The following HMCN2 variants were observed in gnomAD, a reference collection of about 807,000 sequenced individuals.
The protein encoded by HMCN2 is hemicentin 2.
Under a neutral mutation model 377.5 loss-of-function variants are expected in HMCN2, and 325 were observed. That is an observed-to-expected ratio of 0.86 (90% CI 0.79 to 0.94). The LOEUF (loss-of-function observed/expected upper bound fraction) is 0.94. Among genes scored for constraint, HMCN2 ranks in the 40% least tolerant of loss-of-function variants. HMCN2 has a pLI of 0.00. For missense variants in HMCN2, 4,543 were observed against 4,725.3 expected (o/e 0.96, Z 1.13); for synonymous variants, 2,007 against 2,046.8 (o/e 0.98, Z 0.53).
Position 130,347,099 on chromosome 9 carries a change from A to G in HMCN2, c.3830-67A>G, listed in dbSNP as rs926561647. The G allele has an allele frequency of 0.27, 41,269 of 152,120 alleles. 6,195 individuals are homozygous for G. The highest frequency in any genetic ancestry group is 0.52 in the East Asian group (2,676 of 5,136). 9.4% of individuals were successfully genotyped at this position (152,120 alleles called of 1,614,324 possible). On this transcript the variant is annotated intron_variant, in intron 25 of 97. Coordinates refer to ENST00000683500, the MANE Select transcript of HMCN2 (RefSeq NM_001291815.2). The surrounding 1 kb of genome is among the most constrained non-coding windows in gnomAD (Gnocchi z 5.1). ...CTTTTGCACAGGAGAGACATGTGGG[A>G]GACAGTGCAGGTGTGGAGGGGAAGG...
rs551454225 is a variant in HMCN2 at position 130,361,016 on chromosome 9, C to T, written c.5950+412C>T. On this transcript the variant is annotated intron_variant, in intron 38 of 97. Transcript: ENST00000683500. This position sits in a 1 kb window ranked among gnomAD's most constrained non-coding sequence, Gnocchi z 4.8. ...TCCACCCTCCCATCCACCCACCCAT[C>T]TATCCATCCATCCATCTACTACCCA... Among the ~76,000 whole-genome samples the T allele has an allele frequency of 6.6e-6, 1 of 152,298 alleles. No individual in the cohort carries two copies. The highest frequency in any genetic ancestry group is 1.9e-4 in the East Asian group (1 of 5,174).
chr9:130,298,916 G>A (rs1588197398), intron 7 of HMCN2, 109 bp from the exon 8 acceptor site: 3 of 374,102 alleles, frequency 8.0e-6, no homozygotes, highest in East Asian at 7.4e-5. Flanking sequence ...CAGGTAGGAA[G>A]GGCCAGGCAA....
intron 26 of HMCN2, chr9:130,348,032 A>T (rs1047850465): frequency 5.6e-5 from 55 of 985,168 alleles, no homozygotes; most frequent in Non-Finnish European, 6.4e-5. Flanking sequence ...CCTCCTTAAC[A>T]CGGGCAGTGT....
intron 34 of HMCN2, 76 bp downstream of exon 34, chr9:130,356,333 G>C: frequency 8.3e-7 from 1 of 1,207,588 alleles, no homozygotes; most frequent in Non-Finnish European, 1.1e-6. Flanking sequence ...GGCTGTGGCA[G>C]GCCTGGAAGG....
chr9:130,400,725 G>C, intron 76 of HMCN2, 58 bp from the exon 77 acceptor site: 1 of 1,216,396 alleles, frequency 8.2e-7, no homozygotes, highest in Non-Finnish European at 1.1e-6. Flanking sequence ...CCCTGGCCCT[G>C]TGGCCGTGAG....
chr9:130,314,268 G>T (rs1400164355), intron 15 of HMCN2, among the ~76,000 whole-genome samples: 1 of 152,196 alleles, frequency 6.6e-6, no homozygotes, highest in Non-Finnish European at 1.5e-5. Context: ...TGTGGCGAGG[G>T]GGCCATGGCG....
intron 52 of HMCN2, among the ~76,000 whole-genome samples, 152 bp downstream of exon 52, chr9:130,376,810 T>G (rs954627384): frequency 6.6e-6 from 1 of 152,168 alleles, no homozygotes; most frequent in African/African-American, 2.4e-5. Context: ...ATTTTTATTT[T>G]TTTTGAGATG....
In HMCN2 at chr9:130,393,987, C is replaced by A. The variant is rs1174489304; in HGVS notation, c.10480C>A (p.His3494Asn). ...AVSEAGEARR[H>N]FQLTVMEPPH... is the part of the protein sequence containing the mutation. Reference sequence around the variant, plus strand: ...GAGCGAGGCGGGGGAAGCCAGGAGGCATTTCCAGCTGACCGTCATGGGTGG... The same window carrying A: ...GAGCGAGGCGGGGGAAGCCAGGAGGAATTTCCAGCTGACCGTCATGGGTGG... Residue 3494 changes from histidine to asparagine, a missense_variant, in exon 68 of 98, where the codon CAT becomes AAT. Physicochemically the swap from His to Asn is moderately conservative, Grantham distance 68 (BLOSUM62 1). Coordinates refer to ENST00000683500, the MANE Select transcript of HMCN2 (RefSeq NM_001291815.2). This position sits in a 1 kb window ranked among gnomAD's most constrained non-coding sequence, Gnocchi z 5.2. 2 of 1,271,012 alleles carry A rather than the reference C, an allele frequency of 1.6e-6. No individual in the cohort carries two copies. The highest frequency in any genetic ancestry group is 1.0e-6 in the Non-Finnish European group (1 of 980,444). The allele number at this position is 1,271,012 out of a possible 1,614,324, so 78.7% of individuals were successfully genotyped here. A position where few individuals can be genotyped will look rare whatever the true frequency, so the allele number is the denominator to read the frequency against.
chr9:130,410,737 A>G, intron 85 of HMCN2, 85 bp downstream of exon 85: 1 of 1,125,692 alleles, frequency 8.9e-7, no homozygotes, highest in Non-Finnish European at 1.3e-6. Flanking sequence ...GGCAGACGGC[A>G]GGGCTGGGAC....
chr9:130,307,118 A>G (rs985025759), intron 13 of HMCN2, among the ~76,000 whole-genome samples, 180 bp downstream of exon 13: 5 of 152,190 alleles, frequency 3.3e-5, no homozygotes, highest in African/African-American at 1.2e-4. Flanking sequence ...ACACAGGCCA[A>G]TGGGATGCTT....
In HMCN2 at chr9:130,406,140, C is replaced by T; in HGVS notation, c.12525C>T (p.Gly4175=). The part of the protein sequence containing the change: ...AARGSPTPRI[G]WTVNDRPVTE... ...GGGGCAGCCCCACCCCTCGCATTGG[C>T]TGGACTGTCAACGACCGGCCAGTCA... The change falls in exon 82 of 98, where the codon GGC becomes GGT. Residue 4175 remains glycine, a synonymous_variant. Coordinates refer to ENST00000683500, the MANE Select transcript of HMCN2 (RefSeq NM_001291815.2). 1.6e-6 allele frequency: 2 copies of T among 1,289,858 alleles called. No homozygotes were observed. Among genetic ancestry groups the T allele is most frequent in the South Asian group, 1.2e-5 (1 of 81,026 alleles). The allele number at this position is 1,289,858 out of a possible 1,614,324, so 79.9% of individuals were successfully genotyped here. A position where few individuals can be genotyped will look rare whatever the true frequency, so the allele number is the denominator to read the frequency against.
chr9:130,340,829 T>C (rs36176480), intron 23 of HMCN2, among the ~76,000 whole-genome samples: 24,903 of 152,202 alleles, frequency 0.16, 2,141 homozygotes, highest in Admixed American at 0.22. Context: ...CGAGTGGCGC[T>C]TCTTAAATGA....
chr9:130,366,060 C>G (rs1409823286), intron 43 of HMCN2, 65 bp downstream of exon 43: 1 of 979,318 alleles, frequency 1.0e-6, no homozygotes, highest in Non-Finnish European at 1.2e-6. Flanking sequence ...TGCCCAGTCC[C>G]CACTGGTTAC....
chr9:130,433,437 G>A lies in HMCN2; in HGVS notation c.14984G>A (p.Arg4995His), dbSNP rs763004922. The change falls in exon 98 of 98, where the codon CGC (arginine) becomes CAC (histidine). Residue 4995 changes from arginine (R) to histidine (H), a missense_variant. By Grantham distance (29) the Arg-to-His change is conservative (BLOSUM62 0). Around this residue, in one of 5 missense-constraint regions of HMCN2, gnomAD observed 1,155 missense variants for 1,157.7 expected, o/e 1.00. Transcript: ENST00000683500. Reference protein sequence around the residue: ...YRLLPLPLGVRAHHDVARLTA... With the variant: ...YRLLPLPLGVHAHHDVARLTA... ...CTGCTGCCGCTGCCCCTGGGCGTGC[G>A]CGCCCACCACGACGTGGCCCGCCTC... 3 of 1,495,612 alleles carry A rather than the reference G, an allele frequency of 2.0e-6. No individual in the cohort carries two copies. The highest frequency in any genetic ancestry group is 2.0e-4 in the Middle Eastern group (1 of 5,106). The allele number at this position is 1,495,612 out of a possible 1,614,324, so 92.6% of individuals were successfully genotyped here.
intron 1 of HMCN2, among the ~76,000 whole-genome samples, chr9:130,272,806 C>T (rs1834472489): frequency 6.6e-6 from 1 of 152,346 alleles, no homozygotes; most frequent in East Asian, 1.9e-4. Flanking sequence ...GGTCCACCCA[C>T]CTTGGCCTCC....
rs1032350241 is a variant in HMCN2 at position 130,329,150 on chromosome 9, C to T, written c.3359+1675C>T. On this transcript the variant is annotated intron_variant, in intron 22 of 97. Coordinates refer to ENST00000683500, the MANE Select transcript of HMCN2 (RefSeq NM_001291815.2). ...CTTCATACTCATTGGCAGCCACCAG[C>T]CCCCCATTTCTGCTCCAGCCCCACT... Among the ~76,000 whole-genome samples the T allele has an allele frequency of 5.1e-3, 778 of 152,292 alleles. 8 individuals are homozygous for T. The highest frequency in any genetic ancestry group is 0.014 in the Middle Eastern group (4 of 294).
intron 4 of HMCN2, among the ~76,000 whole-genome samples, chr9:130,292,312 C>G (rs1835826273): frequency 6.6e-6 from 1 of 152,174 alleles, no homozygotes; most frequent in Non-Finnish European, 1.5e-5. Flanking sequence ...TAGTTCCCAT[C>G]AACTTTTCAT....
At chr9:130,276,278 C>G (rs1834688910) in intron 1 of HMCN2, among the ~76,000 whole-genome samples, 1 of 151,830 alleles carries the variant, frequency 6.6e-6, no homozygotes. Context: ...GCAGTCCAGC[C>G]AGAAAGGCCC....
In HMCN2 at chr9:130,360,371, C is replaced by G; in HGVS notation, c.5774-57C>G. ...TTCCTTTCCCCCTTACTTCTCTCTTCCATTCCCCCTTGCTTCTCTCTTCCT... is the reference window on the plus strand; with the variant it reads ...TTCCTTTCCCCCTTACTTCTCTCTTGCATTCCCCCTTGCTTCTCTCTTCCT... On this transcript the variant is annotated intron_variant, in intron 37 of 97. Coordinates refer to ENST00000683500, the MANE Select transcript of HMCN2 (RefSeq NM_001291815.2). The surrounding 1 kb of genome is among the most constrained non-coding windows in gnomAD (Gnocchi z 4.7). The G allele has an allele frequency of 9.7e-7, 1 of 1,030,152 alleles. No individual in the cohort carries two copies. The highest frequency in any genetic ancestry group is 1.2e-6 in the Non-Finnish European group (1 of 800,910). The allele number at this position is 1,030,152 out of a possible 1,614,324, so 63.8% of individuals were successfully genotyped here.
Sources: allele counts gnomAD v4.1 joint callset (sites outside exome capture counted in the v4.1 genomes callset), GRCh38; gene constraint gnomAD v4.1.1; regional missense constraint gnomAD v4.1.1; non-coding constraint Gnocchi (gnomAD v3.1); transcripts MANE v1.5; gene names NCBI Gene and HGNC (gene_info 2026-07-23, HGNC 2026-07-21).